The following MMEL1 variants were observed in gnomAD, a reference collection of about 807,000 sequenced individuals.
MMEL1 encodes membrane metalloendopeptidase like 1.
In MMEL1, 98 loss-of-function variants were observed where a neutral mutation model predicts 117.1. The observed-to-expected ratio is 0.84, with a 90% CI of 0.71 to 0.99. The LOEUF (loss-of-function observed/expected upper bound fraction) is 0.99, where lower values mean the gene tolerates loss of function less well. Ranked by LOEUF, MMEL1 falls within the 50% of genes least tolerant of loss-of-function variation. The probability of loss-of-function intolerance (pLI) is 0.00; values close to 1 mark genes in which losing one functional copy is unlikely to be tolerated. For synonymous variants in MMEL1, 390 were observed against 415.1 expected (o/e 0.94, Z 0.74); for missense variants, 1,014 against 1,049.1 (o/e 0.97, Z 0.46).
intron 6 of MMEL1, 29 bp from the exon 7 acceptor site, chr1:2,607,098 C>T: frequency 6.3e-7 from 1 of 1,593,400 alleles, no homozygotes; most frequent in Non-Finnish European, 8.6e-7. Flanking sequence ...GTCACTCTCC[C>T]AGCCTCCCTG....
At chr1:2,627,845 G>A (rs763734120) in intron 2 of MMEL1, among the ~76,000 whole-genome samples, 11 of 152,198 alleles carry the variant, frequency 7.2e-5, no homozygotes, top group Non-Finnish European at 1.3e-4. Flanking sequence ...GGGGAACAGA[G>A]GGCTCTGCCG....
chr1:2,602,923 C>T (rs1411439594), intron 11 of MMEL1, among the ~76,000 whole-genome samples: 2 of 152,170 alleles, frequency 1.3e-5, no homozygotes, highest in African/African-American at 4.8e-5. Flanking sequence ...CTCCGCTTTT[C>T]TGTCCCTCTC....
chr1:2,616,297 T>G (rs1213472157), intron 2 of MMEL1, among the ~76,000 whole-genome samples: 1 of 148,540 alleles, frequency 6.7e-6, no homozygotes, highest in Middle Eastern at 3.2e-3. Flanking sequence ...AAGCTGTGAT[T>G]ATGCCACTGC....
In MMEL1 at chr1:2,609,365, G is replaced by T. The variant is rs1226789469; in HGVS notation, c.509C>A (p.Thr170Lys). Residue 170 changes from threonine (T) to lysine (K), a missense_variant, in exon 6 of 24, where the codon ACG (threonine) becomes AAG (lysine). Physicochemically the swap from Thr to Lys is moderately conservative, Grantham distance 78. Transcript: ENST00000378412. ...KDRPAVEKAR[T>K]LYRSCMNQSV... ...CTGGTTCATGCAGGAGCGGTACAGC[G>T]TCCTGGCCTTCTCCACAGCCGGCCG... 6.2e-7 allele frequency: 1 copy of T among 1,612,094 alleles called. No homozygotes were observed. Among genetic ancestry groups the T allele is most frequent in the South Asian group, 1.1e-5 (1 of 90,734 alleles).
At chr1:2,620,790 G>T (rs1166459362) in intron 2 of MMEL1, among the ~76,000 whole-genome samples, 1 of 116,846 alleles carries the variant, frequency 8.6e-6, no homozygotes, top group Non-Finnish European at 1.8e-5. Context: ...AAAAAAAAAA[G>T]CATGGGCCTT....
At chr1:2,616,271 G>C (rs191169906) in intron 2 of MMEL1, among the ~76,000 whole-genome samples, 8 of 151,640 alleles carry the variant, frequency 5.3e-5, no homozygotes, top group Non-Finnish European at 1.0e-4. Flanking sequence ...GAGTCTGGGA[G>C]GGGGGATGTT....
rs529688438 is a variant in MMEL1 at position 2,608,987 on chromosome 1, A to G, written c.535+352T>C. 9.2e-5 allele frequency among the ~76,000 whole-genome samples: 14 copies of G among 152,248 alleles called. No individual in the cohort carries two copies. In the South Asian group the frequency reaches 2.5e-3, roughly 27 times the overall value. ...ACACAACACACACATATGCATATAA[A>G]TGTATAATATGCATGCACATATATA... On this transcript the variant is annotated intron_variant, in intron 6 of 23. Transcript: ENST00000378412.
intron 3 of MMEL1, 56 bp from the exon 4 acceptor site, chr1:2,611,396 T>C: frequency 1.0e-6 from 1 of 996,894 alleles, no homozygotes; most frequent in African/African-American, 2.5e-5. Context: ...GGGGCAGGAC[T>C]GGAGTGGGTG....
intron 1 of MMEL1, among the ~76,000 whole-genome samples, chr1:2,630,559 ATG>A (rs1383021292): frequency 1.5e-5 from 2 of 129,522 alleles, no homozygotes; most frequent in Admixed American, 8.0e-5. Flanking sequence ...TCATGTGTGC[ATG>A]TGTGTGACTG....
intron 1 of MMEL1, chr1:2,629,735 T>C (rs945572449): frequency 2.2e-6 from 1 of 458,718 alleles, no homozygotes; most frequent in Non-Finnish European, 3.8e-6. Flanking sequence ...ATGGAGGTTC[T>C]AGGACTGGGA....
At chr1:2,608,544 CAT>C (rs1200927167) in intron 6 of MMEL1, among the ~76,000 whole-genome samples, 9 of 56,460 alleles carry the variant, frequency 1.6e-4, no homozygotes, top group African/African-American at 6.4e-4. Flanking sequence ...CACACATACA[CAT>C]ACACACATAT....
rs1644826744 is a variant in MMEL1, at chr1:2,595,770, C to T, written c.1500+239G>A. ...GGATGTCCCAGGCCTGGTTCCTGCC[C>T]CTGCCTGCTTTTCCTCAGCTCCACA... On this transcript the variant is annotated intron_variant, in intron 15 of 23. Transcript: ENST00000378412. The surrounding 1 kb of genome is among the most constrained non-coding windows in gnomAD (Gnocchi z 4.8). 6.6e-6 allele frequency among the ~76,000 whole-genome samples: 1 copy of T among 152,116 alleles called. No homozygotes were observed. Among genetic ancestry groups the T allele is most frequent in the African/African-American group, 2.4e-5 (1 of 41,420 alleles).
intron 7 of MMEL1, among the ~76,000 whole-genome samples, chr1:2,606,610 C>T (rs964137078): frequency 1.3e-4 from 20 of 152,274 alleles, no homozygotes; most frequent in Non-Finnish European, 1.8e-4. Flanking sequence ...CTGCCAGCCA[C>T]GTGAGGTGCC....
intron 1 of MMEL1, 189 bp from the exon 2 acceptor site, chr1:2,629,710 G>T: frequency 1.9e-6 from 1 of 522,920 alleles, no homozygotes; most frequent in Non-Finnish European, 3.3e-6. Flanking sequence ...CCCCTGGGCC[G>T]GAATCTCTGA....
Position 2,594,886 on chromosome 1 carries a change from A to G in MMEL1, c.1592T>C (p.Phe531Ser). 1 of 1,613,640 alleles carries G rather than the reference A, an allele frequency of 6.2e-7. No individual in the cohort carries two copies. ...RLDEEYSNLNFSEDLYFENSL... is the reference protein window; with the variant it reads ...RLDEEYSNLNSSEDLYFENSL... ...GTTCTCAAAGTACAGGTCCTCTGAG[A>G]AGTTCAGCTACGGGAGAGGGGCAGT... Residue 531 changes from phenylalanine (F) to serine (S), a missense_variant, in exon 17 of 24, where the codon TTC becomes TCC. By Grantham distance (155) the Phe-to-Ser change is radical (BLOSUM62 -2). Coordinates refer to ENST00000378412, the MANE Select transcript of MMEL1 (RefSeq NM_033467.4).
rs569693734 is a variant in MMEL1, at chr1:2,618,757, T to A, written c.155-6553A>T. Among the ~76,000 whole-genome samples, 4 of 152,236 alleles carry A rather than the reference T, an allele frequency of 2.6e-5. No individual in the cohort carries two copies. The South Asian group carries it at 8.3e-4, about 32-fold the overall frequency. ...CATTTCTCAGCCCAATAACACAGGA[T>A]CCCCATAGATAAAAGCCAATTTGAA... is the stretch of plus-strand genomic sequence containing the variant. On this transcript the variant is annotated intron_variant, in intron 2 of 23. Transcript: ENST00000378412.
At chr1:2,596,175 T>A in intron 14 of MMEL1, 68 bp from the exon 15 acceptor site, 2 of 1,438,418 alleles carry the variant, frequency 1.4e-6, no homozygotes, top group Non-Finnish European at 1.9e-6. Context: ...CTCAAGGGCT[T>A]TGGGGAGGTC....
intron 2 of MMEL1, among the ~76,000 whole-genome samples, chr1:2,625,700 C>A (rs1488719321): frequency 6.6e-6 from 1 of 152,178 alleles, no homozygotes; most frequent in African/African-American, 2.4e-5. Flanking sequence ...AACTTCCTAT[C>A]ATGAACTGGG....
chr1:2,596,343 G>A (rs1644839239), intron 14 of MMEL1, among the ~76,000 whole-genome samples: 1 of 152,142 alleles, frequency 6.6e-6, no homozygotes, highest in African/African-American at 2.4e-5. Context: ...TGTACCACCT[G>A]TGCCTTTCCC....
Sources: allele counts gnomAD v4.1 joint callset (sites outside exome capture counted in the v4.1 genomes callset), GRCh38; gene constraint gnomAD v4.1.1; non-coding constraint Gnocchi (gnomAD v3.1); transcripts MANE v1.5; gene names NCBI Gene and HGNC (gene_info 2026-07-23, HGNC 2026-07-21).